Variants in FBXO10 observed in about 807,000 individuals in gnomAD.
The protein encoded by FBXO10 is F-box only protein 10.
A neutral mutation model predicts 80.7 loss-of-function variants in FBXO10; 39 were observed. The ratio of observed to expected loss-of-function variants is 0.48; its 90% CI spans 0.37 to 0.63. The LOEUF is 0.63. FBXO10 is among the 30% of genes least tolerant of loss of function. The probability of loss-of-function intolerance (pLI) is 0.00; values close to 1 mark genes in which losing one functional copy is unlikely to be tolerated. For synonymous variants in FBXO10, 449 were observed against 489.6 expected, an observed-to-expected ratio of 0.92 and a Z score of 1.09; for missense variants, 1,025 against 1,269.0, an observed-to-expected ratio of 0.81 and a Z score of 2.92.
At chr9:37,520,367 T>C (rs1821306966) in intron 8 of FBXO10, among the ~76,000 whole-genome samples, 1 of 145,192 alleles carries the variant, frequency 6.9e-6, no homozygotes, top group Non-Finnish European at 1.5e-5. Context: ...CTGTCACTCC[T>C]GAGCTCTGAG....
rs1172648290 is a variant in FBXO10 at position 37,537,120 on chromosome 9, T to C, written c.1409A>G (p.His470Arg). 2.5e-6 allele frequency: 4 copies of C among 1,607,548 alleles called. No homozygotes were observed. The highest frequency in any genetic ancestry group is 1.7e-5 in the Admixed American group (1 of 59,658). Residue 470 changes from histidine to arginine, a missense_variant, in exon 3 of 11, where the codon CAT becomes CGT. Around this residue, in one of 3 missense-constraint regions of FBXO10, gnomAD observed 478 missense variants for 667.8 expected, o/e 0.72. Coordinates refer to ENST00000432825, the MANE Select transcript of FBXO10 (RefSeq NM_012166.3). Reference protein sequence around the residue: ...RNLTYAVRCIHNSKIIMLRND... With the variant: ...RNLTYAVRCIRNSKIIMLRND... ...AAGTCATGACAGCACCTTGCTATTA[T>C]GTATACACCGCACTGCGTAAGTCAG...
intron 1 of FBXO10, among the ~76,000 whole-genome samples, chr9:37,564,127 A>G (rs1210188763): frequency 6.6e-6 from 1 of 152,264 alleles, no homozygotes; most frequent in Non-Finnish European, 1.5e-5. Context: ...AAAGGGGCCA[A>G]GGTACAGCTT....
At chr9:37,514,167 T>C (rs1258100425) in intron 10 of FBXO10, among the ~76,000 whole-genome samples, 2 of 152,200 alleles carry the variant, frequency 1.3e-5, no homozygotes, top group Admixed American at 6.5e-5. Context: ...GAATCAGAGG[T>C]TGGCTACTAG....
Position 37,541,445 on chromosome 9 carries a change from A to G in FBXO10, c.324T>C (p.Arg108=). 1 of 1,614,074 alleles carries G rather than the reference A, an allele frequency of 6.2e-7. No individual in the cohort carries two copies. The highest frequency in any genetic ancestry group is 1.1e-5 in the South Asian group (1 of 91,086). Residue 108 remains arginine (R), a synonymous_variant, in exon 2 of 11, where the codon CGT becomes CGC. Transcript: ENST00000432825. ...CACGGCCTGGCCCAACACTCAGGGT[A>G]CGTCGTTCCCTCCTCCGGCGGAATA... is the stretch of plus-strand genomic sequence containing the variant. ...FSLFRRRRER[R]TLSVGPGREF...
At chr9:37,541,037 T>C in intron 2 of FBXO10, 147 bp downstream of exon 2, 1 of 658,334 alleles carries the variant, frequency 1.5e-6, no homozygotes, top group Non-Finnish European at 2.5e-6. Context: ...TGCCTGTTTC[T>C]CAACTGGTTC....
intron 1 of FBXO10, among the ~76,000 whole-genome samples, chr9:37,566,480 GA>G (rs999695655): frequency 6.8e-6 from 1 of 146,038 alleles, no homozygotes; most frequent in African/African-American, 2.5e-5. Flanking sequence ...AAAAAAAGTG[GA>G]AAAAAAAATC....
In FBXO10 at chr9:37,537,615, C is replaced by T; in HGVS notation, c.914G>A (p.Ser305Asn). 1 of 1,614,004 alleles carries T rather than the reference C, an allele frequency of 6.2e-7. No individual in the cohort carries two copies. The part of the protein sequence containing the change: ...LDLESRDQAW[S>N]PKTCDIVIEG... ...GATAACAATGTCACAGGTCTTTGGG[C>T]TCCAGGCCTGGTCCCGGCTCTCTAG... The change falls in exon 3 of 11, where the codon AGC (serine) becomes AAC (asparagine). Residue 305 changes from serine to asparagine, a missense_variant. This residue lies in a region of FBXO10 where 450 missense variants were observed against 499.4 expected (regional missense o/e 0.90). Coordinates refer to ENST00000432825, the MANE Select transcript of FBXO10 (RefSeq NM_012166.3).
At position 37,552,385 on chromosome 9, in the gene FBXO10, A is replaced by G. The variant is rs151135828; in HGVS notation, c.-6-10611T>C. 1.2e-4 allele frequency among the ~76,000 whole-genome samples: 18 copies of G among 152,312 alleles called. No homozygotes were observed. The East Asian group carries it at 3.3e-3, about 28-fold the overall frequency. ...GAATTCTTGAATCTGACTAATCTGT[A>G]AAGAACAGACACTTATGGCTGGGCG... is the stretch of plus-strand genomic sequence containing the variant. On this transcript the variant is annotated intron_variant, in intron 1 of 10. Coordinates refer to ENST00000432825, the MANE Select transcript of FBXO10 (RefSeq NM_012166.3).
chr9:37,544,401 C>T (rs946931810), intron 1 of FBXO10, among the ~76,000 whole-genome samples: 1 of 152,154 alleles, frequency 6.6e-6, no homozygotes, highest in Non-Finnish European at 1.5e-5. Flanking sequence ...TCACTGCACT[C>T]CAGCCTAGGT....
At chr9:37,534,800 G>A (rs1054187566) in intron 3 of FBXO10, among the ~76,000 whole-genome samples, 1 of 152,176 alleles carries the variant, frequency 6.6e-6, no homozygotes, top group Non-Finnish European at 1.5e-5. Context: ...CAAACCGTAT[G>A]CACAGAGAAA....
At chr9:37,565,537 A>G (rs1308235320) in intron 1 of FBXO10, among the ~76,000 whole-genome samples, 2 of 152,202 alleles carry the variant, frequency 1.3e-5, no homozygotes, top group African/African-American at 4.8e-5. Flanking sequence ...GGAGCTTGTT[A>G]GAAGTGGCAG....
chr9:37,529,488 T>C (rs929006699), intron 4 of FBXO10, among the ~76,000 whole-genome samples: 19 of 152,218 alleles, frequency 1.2e-4, no homozygotes, highest in African/African-American at 4.6e-4. Flanking sequence ...ACTGGAGTCT[T>C]CGCTGCCCAG....
chr9:37,525,818 C>A (rs149189394), intron 5 of FBXO10, among the ~76,000 whole-genome samples: 50 of 152,258 alleles, frequency 3.3e-4, no homozygotes, highest in African/African-American at 1.2e-3. Flanking sequence ...GGATTACAGG[C>A]ATGAGCCACC....
chr9:37,535,315 T>A (rs1821730052), intron 3 of FBXO10, among the ~76,000 whole-genome samples: 1 of 152,030 alleles, frequency 6.6e-6, no homozygotes, highest in Non-Finnish European at 1.5e-5. Flanking sequence ...TTATGACACA[T>A]AAAGAAGAAA....
At chr9:37,520,307 T>C (rs904677389) in intron 8 of FBXO10, among the ~76,000 whole-genome samples, 1 of 142,856 alleles carries the variant, frequency 7.0e-6, no homozygotes, top group Non-Finnish European at 1.5e-5. Context: ...AAACATCTTC[T>C]ACCATCTTTT....
At chr9:37,561,464 T>C (rs775929952) in intron 1 of FBXO10, among the ~76,000 whole-genome samples, 21 of 152,110 alleles carry the variant, frequency 1.4e-4, no homozygotes, top group Non-Finnish European at 2.6e-4. Context: ...CCAGCCTCAG[T>C]GGGAGAGAAG....
chr9:37,575,084 G>T (rs1822858945), intron 1 of FBXO10, among the ~76,000 whole-genome samples: 1 of 152,088 alleles, frequency 6.6e-6, no homozygotes, highest in South Asian at 2.1e-4. Context: ...AGCTGGATTA[G>T]ATGGTTTCCC....
chr9:37,557,795 A>C (rs1822375212), intron 1 of FBXO10, among the ~76,000 whole-genome samples: 1 of 152,202 alleles, frequency 6.6e-6, no homozygotes, highest in Non-Finnish European at 1.5e-5. Flanking sequence ...ATACTTTTCT[A>C]GCTGTCCTGG....
chr9:37,524,870 G>A (rs1334399985), intron 6 of FBXO10, among the ~76,000 whole-genome samples: 2 of 152,226 alleles, frequency 1.3e-5, no homozygotes, highest in Non-Finnish European at 2.9e-5. Context: ...GAGCCACCTT[G>A]TGAGGGCCTG....
Sources: gnomAD v4.1 joint callset for allele counts (sites outside exome capture counted in the v4.1 genomes callset) on GRCh38, gnomAD v4.1.1 for gene constraint, gnomAD v4.1.1 regional missense constraint, MANE v1.5 for transcripts, NCBI Gene and HGNC (gene_info 2026-07-23, HGNC 2026-07-21) for gene names.